THSD7B: variants seen among roughly 807,000 people sequenced by gnomAD.
THSD7B encodes thrombospondin type 1 domain containing 7B, also known as thrombospondin type-1 domain-containing protein 7B.
In THSD7B, 138 loss-of-function variants were observed where a neutral mutation model predicts 213.6. The ratio of observed to expected loss-of-function variants is 0.65; its 90% CI spans 0.56 to 0.74. The LOEUF is 0.74. Ranked by LOEUF, THSD7B falls within the 30% of genes least tolerant of loss-of-function variation. The pLI is 0.00. For synonymous variants in THSD7B, 742 were observed against 687.0 expected (o/e 1.08, Z -1.25); for missense variants, 1,931 against 1,991.5 (o/e 0.97, Z 0.58).
In THSD7B at chr2:137,145,153, T is replaced by A. The variant is rs564193230; in HGVS notation, c.1370-15060T>A. Among the ~76,000 whole-genome samples the A allele has an allele frequency of 1.6e-4, 24 of 152,188 alleles. No homozygotes were observed. The South Asian group carries it at 3.9e-3, about 25-fold the overall frequency. On this transcript the variant is annotated intron_variant, in intron 5 of 27. Coordinates refer to ENST00000409968, the MANE Select transcript of THSD7B (RefSeq NM_001316349.2). ...CAACTCAGAAAAGGAGAAGCTTCTTTTTTCCAAAAATATAGCAGTGTATGT... is the reference window on the plus strand; with the variant it reads ...CAACTCAGAAAAGGAGAAGCTTCTTATTTCCAAAAATATAGCAGTGTATGT...
intron 12 of THSD7B, among the ~76,000 whole-genome samples, chr2:137,301,274 T>G (rs1683594811): frequency 1.3e-5 from 2 of 152,096 alleles, no homozygotes; most frequent in Non-Finnish European, 2.9e-5. Context: ...CGGCTTGCAG[T>G]ATTTGCTTTT....
chr2:137,585,547 C>G (rs1051317351), intron 17 of THSD7B, among the ~76,000 whole-genome samples: 17 of 152,002 alleles, frequency 1.1e-4, no homozygotes, highest in African/African-American at 3.9e-4. Flanking sequence ...TGTCTTTGTT[C>G]TCGTTGGTTT....
intron 17 of THSD7B, among the ~76,000 whole-genome samples, chr2:137,578,215 A>G (rs1259563117): frequency 6.6e-6 from 1 of 152,158 alleles, no homozygotes; most frequent in Non-Finnish European, 1.5e-5. Flanking sequence ...AGAGTTGGAG[A>G]GGTACAGGAA....
chr2:137,161,537 C>T (rs1438736330), intron 6 of THSD7B, among the ~76,000 whole-genome samples: 1 of 152,138 alleles, frequency 6.6e-6, no homozygotes, highest in African/African-American at 2.4e-5. Context: ...TACCCCTGTT[C>T]CTGGGCTTTT....
At chr2:136,831,230 C>T (rs1682750300) in intron 1 of THSD7B, among the ~76,000 whole-genome samples, 1 of 145,060 alleles carries the variant, frequency 6.9e-6, no homozygotes, top group Non-Finnish European at 1.5e-5. Context: ...AGTATTTTTA[C>T]ATTAAAGACA....
At chr2:137,395,279 G>C (rs962165414) in intron 12 of THSD7B, among the ~76,000 whole-genome samples, 3 of 147,370 alleles carry the variant, frequency 2.0e-5, no homozygotes, top group African/African-American at 7.5e-5. Context: ...TGCCCATTCA[G>C]TATGATATTG....
intron 12 of THSD7B, among the ~76,000 whole-genome samples, chr2:137,351,000 G>C (rs1470743974): frequency 6.6e-6 from 1 of 151,802 alleles, no homozygotes; most frequent in African/African-American, 2.4e-5. Flanking sequence ...AAATAGCCTA[G>C]TGGAGATCTC....
At chr2:137,624,870 G>A (rs1484806206) in intron 20 of THSD7B, among the ~76,000 whole-genome samples, 1 of 152,214 alleles carries the variant, frequency 6.6e-6, no homozygotes, top group East Asian at 1.9e-4. Flanking sequence ...CTTTTACACT[G>A]TTGGTGGGAC....
chr2:137,185,246 C>CT (rs34010278), intron 7 of THSD7B, among the ~76,000 whole-genome samples: 10,382 of 146,036 alleles, frequency 0.071, 382 homozygotes, highest in African/African-American at 0.097. Flanking sequence ...TCTCTAGTGC[C>CT]TTTTTTTTTT....
At chr2:137,423,672 GAT>G (rs1297057201) in intron 14 of THSD7B, among the ~76,000 whole-genome samples, 1 of 152,074 alleles carries the variant, frequency 6.6e-6, no homozygotes, top group Admixed American at 6.5e-5. Context: ...TTAATGGAAA[GAT>G]GTGCTATGTT....
At chr2:137,396,886 T>G (rs952620690) in intron 12 of THSD7B, among the ~76,000 whole-genome samples, 2 of 150,972 alleles carry the variant, frequency 1.3e-5, no homozygotes, top group East Asian at 3.9e-4. Flanking sequence ...AGTTAGCTCT[T>G]CTTGTTGAAT....
intron 3 of THSD7B, among the ~76,000 whole-genome samples, chr2:137,089,266 G>GTGTATGTATATATACATATATA (rs1687901546): frequency 1.3e-4 from 17 of 130,052 alleles, no homozygotes; most frequent in African/African-American, 5.1e-4. Context: ...GTGTGTGTGT[G>GTGTATGTATATATACATATATA]TGTGTGTGTA....
intron 1 of THSD7B, among the ~76,000 whole-genome samples, chr2:136,782,626 G>A (rs1206727158): frequency 6.6e-6 from 1 of 152,050 alleles, no homozygotes; most frequent in African/African-American, 2.4e-5. Flanking sequence ...GGGTGGTTGG[G>A]GGGTTGGGGA....
At chr2:136,994,384 G>A (rs1461387567) in intron 2 of THSD7B, among the ~76,000 whole-genome samples, 3 of 152,054 alleles carry the variant, frequency 2.0e-5, no homozygotes, top group African/African-American at 7.2e-5. Flanking sequence ...GGCTAACACG[G>A]TGAAACCCCG....
rs568352505 is a variant in THSD7B, at chr2:137,271,585, G to A, written c.2267-948G>A. ...TCTGTCTCCTTCATGATCCCTCTTC[G>A]GTTGCCACAGTCAAAAATGATTTCT... On this transcript the variant is annotated intron_variant, in intron 10 of 27. Coordinates refer to ENST00000409968, the MANE Select transcript of THSD7B (RefSeq NM_001316349.2). Among the ~76,000 whole-genome samples the A allele has an allele frequency of 1.0e-3, 154 of 150,186 alleles. 1 individual carries two copies. The highest frequency in any genetic ancestry group is 1.9e-3 in the Non-Finnish European group (127 of 67,696).
chr2:137,500,054 A>G (rs1057197690), intron 15 of THSD7B, among the ~76,000 whole-genome samples: 2 of 152,184 alleles, frequency 1.3e-5, no homozygotes, highest in African/African-American at 4.8e-5. Context: ...TGACAAAACC[A>G]TATGTTTCAA....
intron 2 of THSD7B, among the ~76,000 whole-genome samples, chr2:137,039,125 C>A (rs1054255925): frequency 3.3e-5 from 5 of 152,152 alleles, no homozygotes; most frequent in African/African-American, 1.2e-4. Flanking sequence ...GCTGAATATA[C>A]ATCAGTGGCA....
chr2:137,004,588 G>T (rs1457468235), intron 2 of THSD7B, among the ~76,000 whole-genome samples: 2 of 152,042 alleles, frequency 1.3e-5, no homozygotes, highest in African/African-American at 4.8e-5. Flanking sequence ...AGAAAATTAT[G>T]GTCCTATACC....
chr2:137,618,381 T>C lies in THSD7B; in HGVS notation c.3566-11T>C. 1 of 1,612,568 alleles carries C rather than the reference T, an allele frequency of 6.2e-7. No homozygotes were observed. Among genetic ancestry groups the C allele is most frequent in the Non-Finnish European group, 8.5e-7 (1 of 1,178,936 alleles). On this transcript the variant is annotated splice_polypyrimidine_tract_variant and intron_variant, in intron 18 of 27. Transcript: ENST00000409968. ...TTTTGAAACTCAGTGTGGGTGATCC[T>C]ATGCCTGTAGAGTGGAGCACATGCC...
Sources: allele counts gnomAD v4.1 joint callset (sites outside exome capture counted in the v4.1 genomes callset), GRCh38; gene constraint gnomAD v4.1.1; transcripts MANE v1.5; gene names NCBI Gene and HGNC (gene_info 2026-07-23, HGNC 2026-07-21).